The following XYLT1 variants were observed in gnomAD, a reference collection of about 807,000 sequenced individuals.
The protein encoded by XYLT1 is xylosyltransferase 1.
In XYLT1, 36 loss-of-function variants were observed where a neutral mutation model predicts 91.3. That is an observed-to-expected ratio of 0.39 (90% CI 0.30 to 0.52). The LOEUF (loss-of-function observed/expected upper bound fraction) is 0.52. Ranked by LOEUF, XYLT1 falls within the 20% of genes least tolerant of loss-of-function variation. XYLT1 has a pLI of 0.68. For synonymous variants in XYLT1, 588 were observed against 532.0 expected (o/e 1.11, Z -1.45); for missense variants, 1,242 against 1,284.5 (o/e 0.97, Z 0.51).
At chr16:17,181,083 CA>C (rs1288465912) in intron 5 of XYLT1, among the ~76,000 whole-genome samples, 1 of 152,178 alleles carries the variant, frequency 6.6e-6, no homozygotes, top group Non-Finnish European at 1.5e-5. Context: ...TGGAGAAATG[CA>C]CTTGATTTTT....
At chr16:17,123,779 C>T (rs889949219) in intron 10 of XYLT1, among the ~76,000 whole-genome samples, 3 of 152,070 alleles carry the variant, frequency 2.0e-5, no homozygotes, top group Non-Finnish European at 4.4e-5. Flanking sequence ...TGCTGTCCAT[C>T]TCATTTCTTA....
At chr16:17,334,808 A>G (rs888740668) in intron 2 of XYLT1, among the ~76,000 whole-genome samples, 2 of 151,996 alleles carry the variant, frequency 1.3e-5, no homozygotes, top group East Asian at 3.9e-4. Flanking sequence ...GCGTGAACCT[A>G]GGAGGCGGAG....
At chr16:17,111,149 G>T (rs1966840009) in intron 11 of XYLT1, among the ~76,000 whole-genome samples, 1 of 152,098 alleles carries the variant, frequency 6.6e-6, no homozygotes, top group Admixed American at 6.5e-5. Context: ...GATAGAGTGA[G>T]ACTTCATCTC....
intron 2 of XYLT1, among the ~76,000 whole-genome samples, chr16:17,342,737 C>G (rs1385165028): frequency 6.6e-6 from 1 of 151,878 alleles, no homozygotes; most frequent in Non-Finnish European, 1.5e-5. Context: ...AAAACACATG[C>G]GTTTCTCATT....
Position 17,136,622 on chromosome 16 carries a change from G to GGGCAGAACAAACTCCTTTCTCT in XYLT1, c.1764+1711_1764+1732dup, listed in dbSNP as rs553683858. Among the ~76,000 whole-genome samples, 334 of 152,216 alleles carry GGGCAGAACAAACTCCTTTCTCT rather than the reference G, an allele frequency of 2.2e-3. 2 individuals are homozygous for GGGCAGAACAAACTCCTTTCTCT. The highest frequency in any genetic ancestry group is 3.9e-3 in the Non-Finnish European group (267 of 68,016). ...CCCTTGTTACCAGGAACCCATCTAG[G>GGGCAGAACAAACTCCTTTCTCT]GGCAGAACAAACTCCTTTCTCTGCC... On this transcript the variant is annotated intron_variant, in intron 8 of 11. Coordinates refer to ENST00000261381, the MANE Select transcript of XYLT1 (RefSeq NM_022166.4).
At chr16:17,326,389 T>G (rs1310314603) in intron 2 of XYLT1, among the ~76,000 whole-genome samples, 1 of 152,178 alleles carries the variant, frequency 6.6e-6, no homozygotes, top group East Asian at 1.9e-4. Context: ...TCCCTCTTTT[T>G]GGCTTCAGTT....
chr16:17,418,296 C>T (rs751325862), intron 1 of XYLT1, among the ~76,000 whole-genome samples: 7 of 152,190 alleles, frequency 4.6e-5, no homozygotes, highest in African/African-American at 1.2e-4. Flanking sequence ...ATGGATTAGA[C>T]AAAGAATGTA....
chr16:17,266,423 T>A (rs2033805825), intron 2 of XYLT1, among the ~76,000 whole-genome samples: 1 of 152,190 alleles, frequency 6.6e-6, no homozygotes, highest in East Asian at 1.9e-4. Context: ...ATCTCCATGA[T>A]GAGCTGATAA....
chr16:17,212,953 TATG>T (rs376092005), intron 3 of XYLT1, among the ~76,000 whole-genome samples: 209 of 152,348 alleles, frequency 1.4e-3, no homozygotes, highest in African/African-American at 4.8e-3. Flanking sequence ...AAAGAGCTAT[TATG>T]ATAATAGCAA....
At chr16:17,302,918 C>A (rs573514992) in intron 2 of XYLT1, among the ~76,000 whole-genome samples, 7 of 151,898 alleles carry the variant, frequency 4.6e-5, no homozygotes, top group Admixed American at 2.0e-4. Context: ...AAAGAGAAAG[C>A]GAGAGAGAGC....
chr16:17,133,689 T>G (rs1316971694), intron 9 of XYLT1, among the ~76,000 whole-genome samples: 1 of 152,112 alleles, frequency 6.6e-6, no homozygotes, highest in Non-Finnish European at 1.5e-5. Context: ...AAAGAAAGGG[T>G]ACACAACGTG....
chr16:17,220,202 C>A (rs1166019943), intron 3 of XYLT1, among the ~76,000 whole-genome samples: 1 of 152,148 alleles, frequency 6.6e-6, no homozygotes, highest in East Asian at 1.9e-4. Flanking sequence ...ATGTTAATTT[C>A]ATGGGTGTAC....
intron 1 of XYLT1, among the ~76,000 whole-genome samples, chr16:17,367,842 C>A (rs2035474950): frequency 6.6e-6 from 1 of 152,170 alleles, no homozygotes; most frequent in African/African-American, 2.4e-5. Flanking sequence ...TTTGGTGAGG[C>A]ATGGGAGATC....
intron 5 of XYLT1, among the ~76,000 whole-genome samples, chr16:17,176,144 A>G (rs1375962520): frequency 1.3e-5 from 2 of 152,132 alleles, no homozygotes; most frequent in African/African-American, 4.8e-5. Flanking sequence ...AACACTGAGC[A>G]CTCATTTGCT....
At chr16:17,372,211 A>G (rs1231044105) in intron 1 of XYLT1, among the ~76,000 whole-genome samples, 1 of 152,192 alleles carries the variant, frequency 6.6e-6, no homozygotes, top group East Asian at 1.9e-4. Context: ...TAAACACCAA[A>G]CGAGGGAAAT....
At chr16:17,330,633 A>T (rs980836000) in intron 2 of XYLT1, among the ~76,000 whole-genome samples, 34 of 151,836 alleles carry the variant, frequency 2.2e-4, no homozygotes, top group African/African-American at 5.8e-4. Context: ...CTAAAAATAA[A>T]AAAAAAAAAA....
At chr16:17,118,689 A>G (rs927828410) in intron 10 of XYLT1, among the ~76,000 whole-genome samples, 1 of 151,918 alleles carries the variant, frequency 6.6e-6, no homozygotes, top group African/African-American at 2.4e-5. Context: ...GCCACCTGCA[A>G]TTTCTTCTAT....
chr16:17,454,767 T>C (rs1223465845), intron 1 of XYLT1, among the ~76,000 whole-genome samples: 2 of 152,030 alleles, frequency 1.3e-5, no homozygotes, highest in African/African-American at 4.8e-5. Flanking sequence ...AGCAAACTTC[T>C]GGCCCCAAGT....
intron 9 of XYLT1, among the ~76,000 whole-genome samples, chr16:17,128,500 C>T (rs2030342943): frequency 6.6e-6 from 1 of 152,124 alleles, no homozygotes; most frequent in Admixed American, 6.5e-5. Context: ...TGAGCAAAAC[C>T]TTTCATTCGT....
Sources: allele counts gnomAD v4.1 joint callset (sites outside exome capture counted in the v4.1 genomes callset), GRCh38; gene constraint gnomAD v4.1.1; transcripts MANE v1.5; gene names NCBI Gene and HGNC (gene_info 2026-07-23, HGNC 2026-07-21).